TRAM2: variants seen among roughly 807,000 people sequenced by gnomAD.
TRAM2 encodes the protein translocating chain-associated membrane protein 2.
Under a neutral mutation model 51.0 loss-of-function variants are expected in TRAM2, and 12 were observed. The observed-to-expected ratio is 0.24, with a 90% CI of 0.15 to 0.38. The LOEUF is 0.38. Ranked by LOEUF, TRAM2 falls within the 10% of genes least tolerant of loss-of-function variation. TRAM2 has a pLI of 1.00. For missense variants in TRAM2, 361 were observed against 462.0 expected (o/e 0.78, Z 2.00); for synonymous variants, 175 against 179.4 (o/e 0.98, Z 0.20).
At chr6:52,569,513 T>G (rs545119896) in intron 1 of TRAM2, among the ~76,000 whole-genome samples, 157 of 151,934 alleles carry the variant, frequency 1.0e-3, no homozygotes, top group African/African-American at 3.7e-3. Flanking sequence ...GTACAAACTG[T>G]GCCTCACAAG....
At chr6:52,532,793 C>A (rs1766914685) in intron 2 of TRAM2, among the ~76,000 whole-genome samples, 1 of 151,078 alleles carries the variant, frequency 6.6e-6, no homozygotes, top group Non-Finnish European at 1.5e-5. Flanking sequence ...CAAAAAGGTT[C>A]ATCATATTAT....
intron 1 of TRAM2, among the ~76,000 whole-genome samples, chr6:52,567,475 T>C (rs1018805942): frequency 3.3e-5 from 5 of 152,200 alleles, no homozygotes; most frequent in Non-Finnish European, 7.3e-5. Context: ...GGCCAAATGG[T>C]TGAATAGTGT....
At chr6:52,571,913 G>A (rs1025056017) in intron 1 of TRAM2, among the ~76,000 whole-genome samples, 2 of 152,168 alleles carry the variant, frequency 1.3e-5, no homozygotes, top group Admixed American at 6.5e-5. Flanking sequence ...GTACAGTGCT[G>A]GGTATTTTTA....
chr6:52,548,247 T>C (rs1253185649), intron 1 of TRAM2, among the ~76,000 whole-genome samples: 2 of 152,210 alleles, frequency 1.3e-5, no homozygotes, highest in African/African-American at 4.8e-5. Flanking sequence ...TATACATCTA[T>C]CTACTCCAAC....
At chr6:52,521,265 A>G (rs757854035) in intron 2 of TRAM2, among the ~76,000 whole-genome samples, 1 of 152,120 alleles carries the variant, frequency 6.6e-6, no homozygotes, top group African/African-American at 2.4e-5. Context: ...CAAACGTAGT[A>G]ATAAATTGGT....
At chr6:52,509,474 G>A in intron 5 of TRAM2, 54 bp downstream of exon 5, 1 of 1,572,778 alleles carries the variant, frequency 6.4e-7, no homozygotes, top group East Asian at 2.2e-5. Context: ...GCTGGGACAG[G>A]AAGGCAGTGG....
At chr6:52,513,210 G>C (rs1369869111) in intron 4 of TRAM2, among the ~76,000 whole-genome samples, 3 of 152,244 alleles carry the variant, frequency 2.0e-5, no homozygotes, top group African/African-American at 7.2e-5. Flanking sequence ...TGGTATTTCT[G>C]GTGGGAGGAA....
At chr6:52,549,307 ACTGT>A (rs536638671) in intron 1 of TRAM2, among the ~76,000 whole-genome samples, 56 of 150,114 alleles carry the variant, frequency 3.7e-4, no homozygotes, top group African/African-American at 7.3e-5. Flanking sequence ...CCCAAAATCA[ACTGT>A]CTGTCTCCTG....
chr6:52,512,230 C>G (rs1766464137), intron 4 of TRAM2, among the ~76,000 whole-genome samples: 1 of 152,178 alleles, frequency 6.6e-6, no homozygotes, highest in Non-Finnish European at 1.5e-5. Context: ...ATGTAAAGCC[C>G]AGAAAATCTC....
chr6:52,554,288 G>A (rs1767362468), intron 1 of TRAM2, among the ~76,000 whole-genome samples: 1 of 152,152 alleles, frequency 6.6e-6, no homozygotes, highest in Non-Finnish European at 1.5e-5. Flanking sequence ...ACTTTGGGAA[G>A]TAGAGGCAGA....
chr6:52,522,499 C>G (rs1465565298), intron 2 of TRAM2, among the ~76,000 whole-genome samples: 1 of 152,252 alleles, frequency 6.6e-6, no homozygotes, highest in Non-Finnish European at 1.5e-5. Flanking sequence ...CATCTGTAGG[C>G]CAACTCTGAC....
At chr6:52,546,295 GGACCCTTTACAGCAGCA>G (rs1207315505) in intron 1 of TRAM2, among the ~76,000 whole-genome samples, 2 of 152,180 alleles carry the variant, frequency 1.3e-5, no homozygotes, top group Non-Finnish European at 2.9e-5. Flanking sequence ...GTCCTATGAA[GGACCCTTTACAGCAGCA>G]GATATAAAAA....
chr6:52,547,621 T>A (rs1767228776), intron 1 of TRAM2, among the ~76,000 whole-genome samples: 1 of 152,240 alleles, frequency 6.6e-6, no homozygotes, highest in Non-Finnish European at 1.5e-5. Context: ...ACTGCCACTC[T>A]CAGCAGCTGT....
At chr6:52,548,507 T>A (rs141157277) in intron 1 of TRAM2, among the ~76,000 whole-genome samples, 1 of 152,324 alleles carries the variant, frequency 6.6e-6, no homozygotes, top group African/African-American at 2.4e-5. Flanking sequence ...TGAACTTCTA[T>A]CACCTGCCAG....
chr6:52,544,209 A>G (rs1767156082), intron 1 of TRAM2, among the ~76,000 whole-genome samples: 1 of 152,204 alleles, frequency 6.6e-6, no homozygotes, highest in Non-Finnish European at 1.5e-5. Context: ...TCCTCTGGGT[A>G]TTTGTGTAGG....
At chr6:52,528,428 A>G (rs903476143) in intron 2 of TRAM2, among the ~76,000 whole-genome samples, 6 of 152,036 alleles carry the variant, frequency 3.9e-5, no homozygotes, top group Non-Finnish European at 8.8e-5. Flanking sequence ...GCTCAGCTTG[A>G]TAAGTGATGT....
chr6:52,518,725 G>A (rs1022477396), intron 2 of TRAM2, among the ~76,000 whole-genome samples: 1 of 152,164 alleles, frequency 6.6e-6, no homozygotes, highest in Admixed American at 6.5e-5. Flanking sequence ...TGAGGGAGAG[G>A]AGACTCATGG....
intron 5 of TRAM2, among the ~76,000 whole-genome samples, chr6:52,509,251 A>G (rs546179781): frequency 2.4e-4 from 37 of 152,294 alleles, no homozygotes; most frequent in African/African-American, 8.7e-4. Flanking sequence ...CCCAGAGGGC[A>G]TTATGGAGAG....
chr6:52,568,181 C>T (rs929597349), intron 1 of TRAM2, among the ~76,000 whole-genome samples: 1 of 152,172 alleles, frequency 6.6e-6, no homozygotes, highest in Non-Finnish European at 1.5e-5. Flanking sequence ...CTGCTGCAGG[C>T]CCTCCATTGG....
Sources: gnomAD v4.1 joint callset for allele counts (sites outside exome capture counted in the v4.1 genomes callset) on GRCh38, gnomAD v4.1.1 for gene constraint, MANE v1.5 for transcripts, NCBI Gene and HGNC (gene_info 2026-07-23, HGNC 2026-07-21) for gene names.